LMO3: variants seen among roughly 807,000 people sequenced by gnomAD.
LMO3 encodes the protein LIM domain only protein 3.
Under a neutral mutation model 15.8 loss-of-function variants are expected in LMO3, and 2 were observed. The ratio of observed to expected loss-of-function variants is 0.13; its 90% confidence interval spans 0.05 to 0.40. LMO3 has a LOEUF of 0.40. Among genes scored for constraint, LMO3 ranks in the 10% least tolerant of loss-of-function variants. The pLI is 0.99. For missense variants in LMO3, 86 were observed against 182.2 expected (o/e 0.47, Z 3.04); for synonymous variants, 62 against 63.8 (o/e 0.97, Z 0.13).
In LMO3 at chr12:16,600,750, G is replaced by A; in HGVS notation, c.111C>T (p.Cys37=). 3.7e-6 allele frequency: 6 copies of A among 1,614,120 alleles called. No individual in the cohort carries two copies. The highest frequency in any genetic ancestry group is 5.1e-6 in the Non-Finnish European group (6 of 1,180,004). The change falls in exon 2 of 4, where the codon TGC becomes TGT. Residue 37 remains cysteine (C), a synonymous_variant. Transcript: ENST00000537304. The stretch of plus-strand genomic sequence containing the variant: ...GACAGTCACAGCAGGCACACTTCAG[G>A]CAGTCTTCATGCCAGTATTTGTCCA... ...KALDKYWHED[C]LKCACCDCRL...
rs1943858846 is a variant in LMO3 at position 16,602,633 on chromosome 12, A to G, written c.-8-1765T>C. Reference sequence around the variant, plus strand: ...CTGTTCCTTTCCTTTGAAGGAGCTAAGGGCCTAGTGTAGATTAATCATAAC... The same window carrying G: ...CTGTTCCTTTCCTTTGAAGGAGCTAGGGGCCTAGTGTAGATTAATCATAAC... On this transcript the variant is annotated intron_variant, in intron 1 of 3. Transcript: ENST00000537304. Among the ~76,000 whole-genome samples the G allele has an allele frequency of 2.0e-5, 3 of 152,226 alleles. No individual in the cohort carries two copies. In the South Asian group the frequency reaches 6.2e-4, roughly 31 times the overall value.
chr12:16,566,537 T>A (rs940657144), intron 2 of LMO3, among the ~76,000 whole-genome samples: 3 of 152,182 alleles, frequency 2.0e-5, no homozygotes, highest in Non-Finnish European at 4.4e-5. Flanking sequence ...TGTACCATTA[T>A]AAGGTGCTAA....
rs1308181969 is a variant in LMO3, at chr12:16,597,708, A to G, written c.206+2947T>C. On this transcript the variant is annotated intron_variant, in intron 2 of 3. Transcript: ENST00000537304. This position sits in a 1 kb window ranked among gnomAD's most constrained non-coding sequence, Gnocchi z 5.0. The stretch of plus-strand genomic sequence containing the variant: ...GACATGAAATATAAATATGTAAGTT[A>G]TTTATGTTCAGTTTGGTGCCTCAGA... The G allele has an allele frequency of 6.6e-6, 1 of 151,938 alleles. No homozygotes were observed. The highest frequency in any genetic ancestry group is 1.5e-5 in the Non-Finnish European group (1 of 67,824). 9.4% of individuals were successfully genotyped at this position (151,938 alleles called of 1,614,324 possible). A position where few individuals can be genotyped will look rare whatever the true frequency, so the allele number is the denominator to read the frequency against.
rs139502316 is a variant in LMO3, at chr12:16,597,264, C to T, written c.206+3391G>A. 6.6e-6 allele frequency among the ~76,000 whole-genome samples: 1 copy of T among 151,572 alleles called. No individual in the cohort carries two copies. The highest frequency in any genetic ancestry group is 1.9e-4 in the East Asian group (1 of 5,168). The stretch of plus-strand genomic sequence containing the variant: ...TTTCTTTTTCTCTTAAATATAGCTA[C>T]TAGTGCCATAAAGGAGAAAAAAAAT... On this transcript the variant is annotated intron_variant, in intron 2 of 3. Transcript: ENST00000537304. The surrounding 1 kb of genome is among the most constrained non-coding windows in gnomAD (Gnocchi z 5.0).
At chr12:16,595,584 T>G (rs939244048) in intron 2 of LMO3, among the ~76,000 whole-genome samples, 7 of 151,556 alleles carry the variant, frequency 4.6e-5, no homozygotes, top group Admixed American at 3.9e-4. Context: ...CAATAATGCT[T>G]CTTCTACAAT....
chr12:16,580,210 C>T (rs1455564334), intron 2 of LMO3, among the ~76,000 whole-genome samples: 1 of 152,162 alleles, frequency 6.6e-6, no homozygotes, highest in Non-Finnish European at 1.5e-5. Context: ...AAGTGGTCCT[C>T]CCACCTCAAT....
intron 2 of LMO3, among the ~76,000 whole-genome samples, chr12:16,575,360 GATA>G (rs1349895358): frequency 6.6e-6 from 1 of 152,144 alleles, no homozygotes; most frequent in Non-Finnish European, 1.5e-5. Flanking sequence ...AGTCCTCTCT[GATA>G]ATGATACCTC....
intron 2 of LMO3, chr12:16,594,377 T>G: frequency 3.6e-6 from 3 of 823,232 alleles, no homozygotes; most frequent in Non-Finnish European, 5.3e-6. Context: ...TATAGAGACA[T>G]GGCTAATACA....
In LMO3 at chr12:16,566,727, A is replaced by T. The variant is rs144301384; in HGVS notation, c.207-6189T>A. Among the ~76,000 whole-genome samples the T allele has an allele frequency of 5.0e-3, 764 of 152,264 alleles. 8 individuals carry two copies. The highest frequency in any genetic ancestry group is 0.018 in the African/African-American group (743 of 41,556). ...TTATTAACACATACAGATCATGCCA[A>T]AACAGAAACATAAAAGCCATTTGCT... On this transcript the variant is annotated intron_variant, in intron 2 of 3. Coordinates refer to ENST00000537304, the MANE Select transcript of LMO3 (RefSeq NM_018640.5).
intron 2 of LMO3, among the ~76,000 whole-genome samples, chr12:16,562,441 C>T (rs1942439922): frequency 6.6e-6 from 1 of 152,196 alleles, no homozygotes; most frequent in African/African-American, 2.4e-5. Context: ...TAAACATACA[C>T]ACAATGCCAT....
At position 16,581,838 on chromosome 12, in the gene LMO3, C is replaced by A. The variant is rs552126926; in HGVS notation, c.206+18817G>T. Reference sequence around the variant, plus strand: ...CTCTTTATTAATTTCTTTTATATTCCTAACAAGCTATTTTTGGCATAGAAT... The same window carrying A: ...CTCTTTATTAATTTCTTTTATATTCATAACAAGCTATTTTTGGCATAGAAT... On this transcript the variant is annotated intron_variant, in intron 2 of 3. Coordinates refer to ENST00000537304, the MANE Select transcript of LMO3 (RefSeq NM_018640.5). Among the ~76,000 whole-genome samples the A allele has an allele frequency of 2.0e-5, 3 of 151,918 alleles. No homozygotes were observed. In the East Asian group the frequency reaches 5.8e-4, roughly 29 times the overall value.
chr12:16,607,960 C>G (rs780384459), upstream of LMO3: 1 of 152,082 alleles, frequency 6.6e-6, no homozygotes. Flanking sequence ...TATTCACAGA[C>G]GGTAGATTAA....
intron 2 of LMO3, among the ~76,000 whole-genome samples, chr12:16,580,489 T>C (rs1943125778): frequency 6.6e-6 from 1 of 152,208 alleles, no homozygotes; most frequent in African/African-American, 2.4e-5. Context: ...AGATGTAAAG[T>C]GAAATCTTGG....
chr12:16,552,938 ACT>A (rs74457446), intron 3 of LMO3, among the ~76,000 whole-genome samples: 31,438 of 151,910 alleles, frequency 0.21, 3,966 homozygotes, highest in South Asian at 0.29. Flanking sequence ...TAGGGTCCAA[ACT>A]CTACCTTCCC....
At position 16,555,166 on chromosome 12, in the gene LMO3, A is replaced by G. The variant is rs898372451; in HGVS notation, c.333-3839T>C. ...GACTAATACTTTATCAGAATTTGCT[A>G]TCATTATTATTTGGTAATGATAATC... On this transcript the variant is annotated intron_variant, in intron 3 of 3. Transcript: ENST00000537304. The surrounding 1 kb of genome is among the most constrained non-coding windows in gnomAD (Gnocchi z 5.5). Among the ~76,000 whole-genome samples, 20 of 152,226 alleles carry G rather than the reference A, an allele frequency of 1.3e-4. 1 individual carries two copies. Among genetic ancestry groups the G allele is most frequent in the Admixed American group, 1.2e-3 (19 of 15,270 alleles).
chr12:16,562,227 T>C (rs1391598301), intron 2 of LMO3, among the ~76,000 whole-genome samples: 1 of 152,188 alleles, frequency 6.6e-6, no homozygotes, highest in Admixed American at 6.5e-5. Flanking sequence ...TATTTTTCAG[T>C]GTACTTAACA....
In LMO3 at chr12:16,604,758, C is replaced by T. The variant is rs2137735198; in HGVS notation, c.-9+1308G>A. ...CAAAGCAGTTACAACAATAATATTT[C>T]GGTTCTTTCAGAAAGACACAAAAGC... On this transcript the variant is annotated intron_variant, in intron 1 of 3. Transcript: ENST00000537304. The surrounding 1 kb of genome is among the most constrained non-coding windows in gnomAD (Gnocchi z 5.3). 1.7e-6 allele frequency: 2 copies of T among 1,204,126 alleles called. No individual in the cohort carries two copies. Among genetic ancestry groups the T allele is most frequent in the Non-Finnish European group, 2.4e-6 (2 of 828,636 alleles). 74.6% of individuals were successfully genotyped at this position (1,204,126 alleles called of 1,614,324 possible). A position where few individuals can be genotyped will look rare whatever the true frequency, so the allele number is the denominator to read the frequency against.
At chr12:16,600,411 T>C in intron 2 of LMO3, 1 of 424,044 alleles carries the variant, frequency 2.4e-6, no homozygotes, top group Admixed American at 4.0e-5. Flanking sequence ...GGCAGCGCCA[T>C]AACCAACTGC....
At chr12:16,609,382 A>G (rs1944085351), upstream of LMO3, 1 of 152,188 alleles carries the variant, frequency 6.6e-6, no homozygotes. Flanking sequence ...AGCCAAGCTA[A>G]AGGTTGGATC....
Sources: gnomAD v4.1 joint callset for allele counts (sites outside exome capture counted in the v4.1 genomes callset) on GRCh38, gnomAD v4.1.1 for gene constraint, Gnocchi (gnomAD v3.1) non-coding constraint, MANE v1.5 for transcripts, NCBI Gene and HGNC (gene_info 2026-07-23, HGNC 2026-07-21) for gene names.